Variants in WASHC5 observed in about 807,000 individuals in gnomAD.
The protein encoded by WASHC5 is WASH complex subunit strumpellin.
WASHC5 carries 101 observed loss-of-function variants against 150.4 expected under a neutral mutation model. The ratio of observed to expected loss-of-function variants is 0.67; its 90% CI spans 0.57 to 0.79. The LOEUF (loss-of-function observed/expected upper bound fraction) is 0.79. Ranked by LOEUF, WASHC5 falls within the 30% of genes least tolerant of loss-of-function variation. WASHC5 has a pLI of 0.00. For synonymous variants in WASHC5, 467 were observed against 491.2 expected (o/e 0.95, Z 0.65); for missense variants, 1,195 against 1,396.3 (o/e 0.86, Z 2.30).
intron 10 of WASHC5, among the ~76,000 whole-genome samples, chr8:125,063,902 A>G (rs554679491): frequency 6.6e-6 from 1 of 152,278 alleles, no homozygotes; most frequent in Admixed American, 6.5e-5. Context: ...GAGGCTTTAA[A>G]GTTTTCAGAT....
chr8:125,088,293 C>CA (rs139296600), intron 1 of WASHC5, among the ~76,000 whole-genome samples: 4,039 of 151,788 alleles, frequency 0.027, 197 homozygotes, highest in African/African-American at 0.094. Flanking sequence ...GGCATGGTGG[C>CA]AAAAACCTGT....
chr8:125,059,319 TAA>T (rs779316481), intron 13 of WASHC5, 22 bp from the exon 14 acceptor site: 1 of 1,613,514 alleles, frequency 6.2e-7, no homozygotes, highest in East Asian at 2.2e-5. Flanking sequence ...AAAGAAACGG[TAA>T]GAAGATGTTC....
At chr8:125,040,156 T>C (rs1193742476) in intron 23 of WASHC5, among the ~76,000 whole-genome samples, 1 of 152,216 alleles carries the variant, frequency 6.6e-6, no homozygotes, top group Non-Finnish European at 1.5e-5. Flanking sequence ...ATTCACAAAG[T>C]GATCTATTAA....
In WASHC5 at chr8:125,044,553, T is replaced by C; in HGVS notation, c.2650A>G (p.Ile884Val). Reference sequence around the variant, plus strand: ...AGGCTCACCTGTAACTCTTTTACAATCATAAAGCACAGAAGCCTGTCTAAG... The same window carrying C: ...AGGCTCACCTGTAACTCTTTTACAACCATAAAGCACAGAAGCCTGTCTAAG... The part of the protein sequence containing the change: ...NGLDRLLCFM[I>V]VKELQNFLSM... The change falls in exon 21 of 29, where the codon ATT becomes GTT. Residue 884 changes from isoleucine (I) to valine (V), a missense_variant. By Grantham distance (29) the Ile-to-Val change is conservative (BLOSUM62 3). Around this residue, in one of 3 missense-constraint regions of WASHC5, gnomAD observed 997 missense variants for 1,168.1 expected, o/e 0.85. Transcript: ENST00000318410. 2 of 1,614,002 alleles carry C rather than the reference T, an allele frequency of 1.2e-6. No individual in the cohort carries two copies. Among genetic ancestry groups the C allele is most frequent in the Non-Finnish European group, 8.5e-7 (1 of 1,179,894 alleles).
intron 27 of WASHC5, among the ~76,000 whole-genome samples, chr8:125,030,282 G>A (rs1815489390): frequency 6.6e-6 from 1 of 152,154 alleles, no homozygotes; most frequent in Non-Finnish European, 1.5e-5. Flanking sequence ...GAGGCGCTGG[G>A]TTTTTATGAG....
At chr8:125,036,622 A>G (rs1195231299) in intron 26 of WASHC5, among the ~76,000 whole-genome samples, 1 of 144,142 alleles carries the variant, frequency 6.9e-6, no homozygotes, top group African/African-American at 2.9e-5. Context: ...TAGTGAGCTG[A>G]GATTGTGCCA....
At chr8:125,030,939 G>C (rs1815514988) in intron 27 of WASHC5, among the ~76,000 whole-genome samples, 1 of 152,230 alleles carries the variant, frequency 6.6e-6, no homozygotes, top group Non-Finnish European at 1.5e-5. Flanking sequence ...TACAAAATCG[G>C]AAGTGATGTT....
intron 17 of WASHC5, among the ~76,000 whole-genome samples, chr8:125,051,717 G>A (rs183397158): frequency 1.3e-5 from 2 of 152,050 alleles, no homozygotes; most frequent in African/African-American, 2.4e-5. Context: ...GAGAAACCCC[G>A]TCTCTACTAA....
At chr8:125,064,728 ACT>A (rs1464402971) in intron 10 of WASHC5, among the ~76,000 whole-genome samples, 2 of 152,012 alleles carry the variant, frequency 1.3e-5, no homozygotes, top group African/African-American at 4.8e-5. Flanking sequence ...ACAGGCATGA[ACT>A]CTGATTTCTC....
At chr8:125,087,464 C>G (rs776234644) in intron 1 of WASHC5, among the ~76,000 whole-genome samples, 1 of 152,148 alleles carries the variant, frequency 6.6e-6, no homozygotes, top group Non-Finnish European at 1.5e-5. Flanking sequence ...AACGGTGGCT[C>G]ACACCTGTAA....
intron 7 of WASHC5, 140 bp from the exon 8 acceptor site, chr8:125,075,251 AG>A (rs1284695520): frequency 2.9e-6 from 2 of 680,458 alleles, no homozygotes; most frequent in East Asian, 5.4e-5. Flanking sequence ...CCAAATATAT[AG>A]GTAAGTGTTC....
At position 125,055,597 on chromosome 8, in the gene WASHC5, G is replaced by A. The variant is rs766507110; in HGVS notation, c.2091C>T (p.Ile697=). Residue 697 remains isoleucine, a synonymous_variant, in exon 17 of 29, where the codon ATC becomes ATT. Coordinates refer to ENST00000318410, the MANE Select transcript of WASHC5 (RefSeq NM_014846.4). ...AGACTAACAAAACTGTTACCTTGATGATGCCAACCAAAGTCGTTTTCATCA... is the reference window on the plus strand; with the variant it reads ...AGACTAACAAAACTGTTACCTTGATAATGCCAACCAAAGTCGTTTTCATCA... ...ILMMKTTLVG[I]IKVDPKQLLE... is the part of the protein sequence containing the mutation. 6.2e-7 allele frequency: 1 copy of A among 1,606,830 alleles called. No individual in the cohort carries two copies. The highest frequency in any genetic ancestry group is 8.5e-7 in the Non-Finnish European group (1 of 1,173,298).
intron 10 of WASHC5, among the ~76,000 whole-genome samples, chr8:125,064,628 A>G (rs1816696408): frequency 6.6e-6 from 1 of 151,860 alleles, no homozygotes; most frequent in Admixed American, 6.6e-5. Flanking sequence ...TTTCTGAAAC[A>G]AACTTAAAAA....
At chr8:125,034,037 C>T (rs1195998396) in intron 26 of WASHC5, among the ~76,000 whole-genome samples, 1 of 140,286 alleles carries the variant, frequency 7.1e-6, no homozygotes, top group Non-Finnish European at 1.5e-5. Flanking sequence ...ATAACTACTA[C>T]AACTCTGTAA....
intron 17 of WASHC5, among the ~76,000 whole-genome samples, chr8:125,052,637 C>CACACACACACAT (rs1414587856): frequency 6.6e-6 from 1 of 151,314 alleles, no homozygotes; most frequent in Non-Finnish European, 1.5e-5. Context: ...CACACACACA[C>CACACACACACAT]ACATACATAC....
chr8:125,034,961 A>T lies in WASHC5; in HGVS notation c.3181+2276T>A, dbSNP rs1319144224. On this transcript the variant is annotated intron_variant, in intron 26 of 28. Transcript: ENST00000318410. ...TGCTGAGAACGGTGTTTACAAGGTT[A>T]AATAAATGTTTTTCGGATATACAGT... is the stretch of plus-strand genomic sequence containing the variant. Among the ~76,000 whole-genome samples, 4 of 152,350 alleles carry T rather than the reference A, an allele frequency of 2.6e-5. No homozygotes were observed. In the East Asian group the frequency reaches 5.8e-4, roughly 22 times the overall value.
intron 15 of WASHC5, 102 bp downstream of exon 15, chr8:125,057,454 G>T: frequency 1.2e-6 from 1 of 806,222 alleles, no homozygotes; most frequent in Non-Finnish European, 2.1e-6. Flanking sequence ...TTTTAAAAGG[G>T]AAAGAGACAC....
chr8:125,083,680 GACA>G, intron 2 of WASHC5, 30 bp downstream of exon 2: 1 of 1,528,960 alleles, frequency 6.5e-7, no homozygotes, highest in Non-Finnish European at 9.0e-7. Flanking sequence ...TTGTAGAAAA[GACA>G]ACAATAAAAA....
chr8:125,069,902 T>C (rs1301977297), intron 9 of WASHC5, among the ~76,000 whole-genome samples: 1 of 152,220 alleles, frequency 6.6e-6, no homozygotes, highest in African/African-American at 2.4e-5. Context: ...TTTAATCTGC[T>C]TTCATGTTTG....
Sources: allele counts gnomAD v4.1 joint callset (sites outside exome capture counted in the v4.1 genomes callset), GRCh38; gene constraint gnomAD v4.1.1; regional missense constraint gnomAD v4.1.1; transcripts MANE v1.5; gene names NCBI Gene and HGNC (gene_info 2026-07-23, HGNC 2026-07-21).